Variants in CPA3 observed in about 807,000 individuals in gnomAD.
CPA3 encodes the protein mast cell carboxypeptidase A.
CPA3 carries 52 observed loss-of-function variants against 55.8 expected under a neutral mutation model. That is an observed-to-expected ratio of 0.93 (90% CI 0.75 to 1.17). The LOEUF (loss-of-function observed/expected upper bound fraction) is 1.17. Among genes scored for constraint, CPA3 ranks in the 50% most tolerant of loss-of-function variants. The probability of loss-of-function intolerance (pLI) is 0.00; values close to 1 mark genes in which losing one functional copy is unlikely to be tolerated. For missense variants in CPA3, 547 were observed against 509.1 expected, an observed-to-expected ratio of 1.07 and a Z score of -0.72; for synonymous variants, 179 against 171.2, an observed-to-expected ratio of 1.05 and a Z score of -0.36.
chr3:148,877,609 C>G (rs748997960), intron 3 of CPA3, among the ~76,000 whole-genome samples: 2 of 152,164 alleles, frequency 1.3e-5, no homozygotes, highest in African/African-American at 4.8e-5. Context: ...TATTTCACCC[C>G]CTTCAAATCA....
intron 10 of CPA3, among the ~76,000 whole-genome samples, chr3:148,891,764 A>G (rs1714677196): frequency 6.6e-6 from 1 of 152,152 alleles, no homozygotes; most frequent in Non-Finnish European, 1.5e-5. Context: ...ATGCCCTTTA[A>G]CCCTTGGAAA....
Position 148,878,499 on chromosome 3 carries a change from A to G in CPA3, c.328A>G (p.Ile110Val). Residue 110 changes from isoleucine to valine, a missense_variant, in exon 4 of 11, where the codon ATC becomes GTC. Coordinates refer to ENST00000296046, the MANE Select transcript of CPA3 (RefSeq NM_001870.4). ...GAAACAGTTTGATGTTAAAGAAGAT[A>G]TCCCAGGCAGGCACAGCTACGCAAA... ...IEKQFDVKED[I>V]PGRHSYAKYN... is the part of the protein sequence containing the mutation. The G allele has an allele frequency of 6.2e-7, 1 of 1,613,768 alleles. No homozygotes were observed. Among genetic ancestry groups the G allele is most frequent in the Non-Finnish European group, 8.5e-7 (1 of 1,179,754 alleles).
intron 6 of CPA3, 60 bp downstream of exon 6, chr3:148,879,949 A>C (rs147544681): frequency 2.5e-5 from 28 of 1,138,436 alleles, no homozygotes; most frequent in Non-Finnish European, 3.6e-5. Flanking sequence ...GCACTTCACT[A>C]AGTGGCGACA....
intron 3 of CPA3, among the ~76,000 whole-genome samples, chr3:148,873,798 A>AT (rs1444323888): frequency 1.3e-5 from 2 of 152,200 alleles, no homozygotes; most frequent in African/African-American, 4.8e-5. Flanking sequence ...AGAGCTGATA[A>AT]TGGTACCCAG....
chr3:148,876,713 T>A (rs1048992918), intron 3 of CPA3, among the ~76,000 whole-genome samples: 3 of 152,072 alleles, frequency 2.0e-5, no homozygotes, highest in African/African-American at 7.2e-5. Context: ...TTACTCAAAA[T>A]TTTTGGAAAA....
At chr3:148,867,938 C>T (rs561635182) in intron 2 of CPA3, among the ~76,000 whole-genome samples, 2 of 152,290 alleles carry the variant, frequency 1.3e-5, no homozygotes, top group Non-Finnish European at 2.9e-5. Context: ...TCTTGTTGCC[C>T]AGGCTGGAGT....
chr3:148,871,503 C>T (rs1714066812), intron 3 of CPA3, among the ~76,000 whole-genome samples: 1 of 152,208 alleles, frequency 6.6e-6, no homozygotes, highest in Non-Finnish European at 1.5e-5. Flanking sequence ...AGGCAGGCAG[C>T]TAGCATCCTT....
At chr3:148,887,045 T>C (rs1714550489) in intron 10 of CPA3, among the ~76,000 whole-genome samples, 1 of 152,236 alleles carries the variant, frequency 6.6e-6, no homozygotes, top group Admixed American at 6.5e-5. Context: ...TCTTTGTGTG[T>C]TTTTAAGTTA....
intron 10 of CPA3, among the ~76,000 whole-genome samples, chr3:148,892,685 A>ATT (rs1714705788): frequency 6.6e-6 from 1 of 151,590 alleles, no homozygotes; most frequent in African/African-American, 2.4e-5. Context: ...ACAAAAAACC[A>ATT]AAGCAAAACT....
At chr3:148,876,855 A>C (rs956892496) in intron 3 of CPA3, among the ~76,000 whole-genome samples, 3 of 152,252 alleles carry the variant, frequency 2.0e-5, no homozygotes, top group South Asian at 2.1e-4. Context: ...AAATACTTGC[A>C]TATATGATGA....
intron 6 of CPA3, 37 bp downstream of exon 6, chr3:148,879,926 T>TTG: frequency 7.1e-7 from 1 of 1,408,320 alleles, no homozygotes; most frequent in Non-Finnish European, 1.0e-6. Flanking sequence ...CTCCTTTGAC[T>TTG]GCCAAGTCTC....
intron 9 of CPA3, 45 bp downstream of exon 9, chr3:148,883,860 G>C: frequency 7.2e-7 from 1 of 1,385,698 alleles, no homozygotes; most frequent in Non-Finnish European, 1.0e-6. Flanking sequence ...CAATACCATT[G>C]ACTTTCAGTC....
At chr3:148,887,651 C>T (rs1459332420) in intron 10 of CPA3, among the ~76,000 whole-genome samples, 1 of 152,206 alleles carries the variant, frequency 6.6e-6, no homozygotes, top group Non-Finnish European at 1.5e-5. Flanking sequence ...TCTGCTCTTA[C>T]AGCAACTCCC....
intron 3 of CPA3, among the ~76,000 whole-genome samples, chr3:148,873,020 A>G (rs1252642612): frequency 5.6e-5 from 7 of 124,158 alleles, no homozygotes; most frequent in Non-Finnish European, 8.5e-5. Flanking sequence ...CTTTACTTCT[A>G]TGAATACACA....
At chr3:148,889,172 C>CTTTA (rs980065960) in intron 10 of CPA3, among the ~76,000 whole-genome samples, 73 of 152,160 alleles carry the variant, frequency 4.8e-4, no homozygotes, top group African/African-American at 1.7e-3. Flanking sequence ...GAACAGACTG[C>CTTTA]TTTAATAAAG....
chr3:148,896,621 C>G lies in CPA3; in HGVS notation c.1168C>G (p.Pro390Ala), dbSNP rs1052226415. Residue 390 changes from proline (P) to alanine (A), a missense_variant, in exon 11 of 11, where the codon CCA becomes GCA. Pro to Ala is a conservative substitution (Grantham distance 27). Coordinates refer to ENST00000296046, the MANE Select transcript of CPA3 (RefSeq NM_001870.4). The stretch of plus-strand genomic sequence containing the variant: ...TAAAGGCAAATTTGGTTTTCTCCTT[C>G]CAGAATCCCGGATAAAGCCAACGTG... ...RDKGKFGFLLPESRIKPTCRE... is the reference protein window; with the variant it reads ...RDKGKFGFLLAESRIKPTCRE... The G allele has an allele frequency of 1.9e-6, 3 of 1,592,360 alleles. No individual in the cohort carries two copies. The highest frequency in any genetic ancestry group is 2.6e-6 in the Non-Finnish European group (3 of 1,163,520).
rs558943556 is a variant in CPA3 at position 148,884,573 on chromosome 3, A to G, written c.981+758A>G. Among the ~76,000 whole-genome samples, 3 of 152,272 alleles carry G rather than the reference A, an allele frequency of 2.0e-5. No homozygotes were observed. The South Asian group carries it at 6.2e-4, about 32-fold the overall frequency. The stretch of plus-strand genomic sequence containing the variant: ...GCTGTGGTCCAAATACTGCCTCATA[A>G]AATATTTTAAAATTTTTAAGAGGTT... On this transcript the variant is annotated intron_variant, in intron 9 of 10. Coordinates refer to ENST00000296046, the MANE Select transcript of CPA3 (RefSeq NM_001870.4).
At position 148,868,457 on chromosome 3, in the gene CPA3, G is replaced by T. The variant is rs932337751; in HGVS notation, c.145-458G>T. ...TGCTAGAAAAATGACTTTGCTGGGG[G>T]TCTATGCCAACTGTTTGATACAATA... is the stretch of plus-strand genomic sequence containing the variant. On this transcript the variant is annotated intron_variant, in intron 2 of 10. Transcript: ENST00000296046. Among the ~76,000 whole-genome samples the T allele has an allele frequency of 3.9e-5, 6 of 152,150 alleles. No individual in the cohort carries two copies. The East Asian group carries it at 9.7e-4, about 25-fold the overall frequency.
At chr3:148,866,307 C>A (rs1420643090) in intron 2 of CPA3, among the ~76,000 whole-genome samples, 1 of 152,182 alleles carries the variant, frequency 6.6e-6, no homozygotes, top group African/African-American at 2.4e-5. Flanking sequence ...TTCTAACTCC[C>A]AAATGTTTCT....
Sources: gnomAD v4.1 joint callset for allele counts (sites outside exome capture counted in the v4.1 genomes callset) on GRCh38, gnomAD v4.1.1 for gene constraint, MANE v1.5 for transcripts, NCBI Gene and HGNC (gene_info 2026-07-23, HGNC 2026-07-21) for gene names.